The following MCF2L variants were observed in gnomAD, a reference collection of about 807,000 sequenced individuals.
MCF2L encodes the protein guanine nucleotide exchange factor DBS.
A neutral mutation model predicts 153.4 loss-of-function variants in MCF2L; 97 were observed. The observed-to-expected ratio is 0.63, with a 90% confidence interval of 0.54 to 0.75. The LOEUF (loss-of-function observed/expected upper bound fraction) is 0.75. MCF2L is among the 30% of genes least tolerant of loss of function. MCF2L has a pLI of 0.00. For synonymous variants in MCF2L, 659 were observed against 632.2 expected (o/e 1.04, Z -0.64); for missense variants, 1,347 against 1,495.2 (o/e 0.90, Z 1.64).
chr13:113,026,797 T>C, intron 3 of MCF2L: 1 of 606,368 alleles, frequency 1.6e-6, no homozygotes, highest in Non-Finnish European at 3.0e-6. Context: ...CTGCAGTTTT[T>C]TGTTTTGTTC....
At chr13:112,926,456 T>C (rs12870048) in intron 2 of MCF2L, among the ~76,000 whole-genome samples, 20 of 144,604 alleles carry the variant, frequency 1.4e-4, no homozygotes, top group South Asian at 2.3e-4. Context: ...CGGAGTACTG[T>C]ACGGCCTGGT....
intron 4 of MCF2L, among the ~76,000 whole-genome samples, chr13:113,052,105 C>A (rs754819814): frequency 6.6e-6 from 1 of 152,186 alleles, no homozygotes; most frequent in East Asian, 1.9e-4. Context: ...GGTGACAGAT[C>A]GGTTAATTGG....
intron 3 of MCF2L, chr13:113,040,493 C>T (rs2086416247): frequency 6.6e-6 from 1 of 151,514 alleles, no homozygotes; most frequent in South Asian, 2.1e-4. Flanking sequence ...TCCCAGACTC[C>T]TCTTCTCATC....
At chr13:112,927,384 G>A (rs1032231768) in intron 2 of MCF2L, among the ~76,000 whole-genome samples, 1 of 152,156 alleles carries the variant, frequency 6.6e-6, no homozygotes, top group Non-Finnish European at 1.5e-5. Flanking sequence ...TTCTAGACCT[G>A]TCCATGGAAA....
At chr13:113,090,606 GC>G (rs1364862971) in intron 26 of MCF2L, 1 of 985,356 alleles carries the variant, frequency 1.0e-6, no homozygotes, top group Non-Finnish European at 1.2e-6. Context: ...GACGTCTAAT[GC>G]CCTGCTCACC....
At chr13:112,998,603 T>A (rs1304081796) in intron 1 of MCF2L, among the ~76,000 whole-genome samples, 1 of 152,180 alleles carries the variant, frequency 6.6e-6, no homozygotes, top group Admixed American at 6.5e-5. Context: ...GTTCAAAATG[T>A]GTGTCCCTGG....
chr13:112,979,417 C>T, intron 1 of MCF2L: 1 of 1,397,852 alleles, frequency 7.2e-7, no homozygotes, highest in Non-Finnish European at 9.3e-7. Context: ...TCGGGCCAGG[C>T]TCTGGGAGGC....
At chr13:113,002,231 C>T (rs1011691342) in intron 1 of MCF2L, among the ~76,000 whole-genome samples, 11 of 152,322 alleles carry the variant, frequency 7.2e-5, no homozygotes, top group Admixed American at 6.5e-4. Context: ...GGGCCATGGC[C>T]CTGGGGTCCC....
At chr13:113,063,526 C>T (rs2031884596) in intron 5 of MCF2L, among the ~76,000 whole-genome samples, 2 of 152,072 alleles carry the variant, frequency 1.3e-5, no homozygotes, top group African/African-American at 2.4e-5. Flanking sequence ...CGCCCCTGTC[C>T]ACACAGCCAC....
At chr13:112,906,125 G>A (rs1022266083) in intron 2 of MCF2L, among the ~76,000 whole-genome samples, 1 of 152,204 alleles carries the variant, frequency 6.6e-6, no homozygotes, top group African/African-American at 2.4e-5. Context: ...GCGGTCTGAA[G>A]CTGCTCTGTT....
At chr13:112,902,720 T>C (rs752593943) in intron 2 of MCF2L, among the ~76,000 whole-genome samples, 3 of 152,268 alleles carry the variant, frequency 2.0e-5, no homozygotes, top group Non-Finnish European at 2.9e-5. Context: ...AGGGAACAAT[T>C]TGTAGGCTTT....
At chr13:113,073,613 G>C (rs559965988) in intron 9 of MCF2L, among the ~76,000 whole-genome samples, 29 of 152,274 alleles carry the variant, frequency 1.9e-4, no homozygotes, top group African/African-American at 6.7e-4. Context: ...GGAATAAGTG[G>C]TCATATGTTT....
chr13:113,078,500 T>C, intron 14 of MCF2L, 64 bp downstream of exon 14: 1 of 1,482,264 alleles, frequency 6.7e-7, no homozygotes, highest in Non-Finnish European at 9.3e-7. Context: ...CTGGGCCTGG[T>C]TCTCCGTGTG....
At chr13:113,002,488 C>G (rs2083441268) in intron 1 of MCF2L, among the ~76,000 whole-genome samples, 1 of 152,240 alleles carries the variant, frequency 6.6e-6, no homozygotes. Flanking sequence ...GACAAGCTGC[C>G]CTCTCTAGGT....
At chr13:113,033,219 G>GAGTGGCCCCTGTGACATT (rs2085865606) in intron 3 of MCF2L, among the ~76,000 whole-genome samples, 1 of 59,260 alleles carries the variant, frequency 1.7e-5, no homozygotes. Context: ...CCCGTGACAT[G>GAGTGGCCCCTGTGACATT]AGTGGCCCCC....
chr13:113,018,488 G>A (rs1314796068), intron 2 of MCF2L, among the ~76,000 whole-genome samples: 1 of 152,180 alleles, frequency 6.6e-6, no homozygotes, highest in East Asian at 1.9e-4. Context: ...TGCCTCCTGA[G>A]TCATCCGTTT....
chr13:113,002,014 C>A, intron 1 of MCF2L: 1 of 1,530,538 alleles, frequency 6.5e-7, no homozygotes, highest in Non-Finnish European at 8.7e-7. Flanking sequence ...TCCTCGCCTC[C>A]CCGGAAGGTG....
At chr13:113,083,825 G>A (rs1384090598) in intron 17 of MCF2L, among the ~76,000 whole-genome samples, 173 bp from the exon 18 acceptor site, 2 of 152,250 alleles carry the variant, frequency 1.3e-5, no homozygotes, top group African/African-American at 2.4e-5. Context: ...ACCTGCTGGC[G>A]CCTGAGAGCT....
At chr13:112,918,429 C>T (rs528076909) in intron 2 of MCF2L, among the ~76,000 whole-genome samples, 4 of 152,224 alleles carry the variant, frequency 2.6e-5, no homozygotes, top group Admixed American at 6.5e-5. Flanking sequence ...CGTGGGGTTT[C>T]CCACACCTCG....
Sources: gnomAD v4.1 joint callset for allele counts (sites outside exome capture counted in the v4.1 genomes callset) on GRCh38, gnomAD v4.1.1 for gene constraint, MANE v1.5 for transcripts, NCBI Gene and HGNC (gene_info 2026-07-23, HGNC 2026-07-21) for gene names.